LINGO1: variants seen among roughly 807,000 people sequenced by gnomAD.
LINGO1 encodes the protein leucine rich repeat and Ig domain containing 1.
In LINGO1, 11 loss-of-function variants were observed where a neutral mutation model predicts 37.3. The ratio of observed to expected loss-of-function variants is 0.29; its 90% confidence interval spans 0.19 to 0.49. LINGO1 has a LOEUF of 0.49. Ranked by LOEUF, LINGO1 falls within the 20% of genes least tolerant of loss-of-function variation. The pLI is 0.99. For synonymous variants in LINGO1, 387 were observed against 403.0 expected, an observed-to-expected ratio of 0.96 and a Z score of 0.48; for missense variants, 585 against 878.2, an observed-to-expected ratio of 0.67 and a Z score of 4.22.
chr15:77,764,647 T>A (rs1270182701), intron 1 of LINGO1, among the ~76,000 whole-genome samples: 1 of 152,110 alleles, frequency 6.6e-6, no homozygotes, highest in African/African-American at 2.4e-5. Flanking sequence ...ATTAAGTTGG[T>A]GGACAGCTAA....
At chr15:77,646,542 G>A (rs2074634503) in intron 3 of LINGO1, 2 of 421,256 alleles carry the variant, frequency 4.7e-6, no homozygotes, top group East Asian at 7.6e-5. Flanking sequence ...GGCACACACA[G>A]GCAGGAACCT....
At chr15:77,690,054 C>G (rs2075576625) in intron 2 of LINGO1, among the ~76,000 whole-genome samples, 2 of 152,182 alleles carry the variant, frequency 1.3e-5, no homozygotes, top group South Asian at 4.1e-4. Context: ...ACGTCCACAT[C>G]CATCTATGAC....
chr15:77,648,273 T>C, intron 3 of LINGO1: 1 of 200,386 alleles, frequency 5.0e-6, no homozygotes, highest in Non-Finnish European at 1.0e-5. Flanking sequence ...GGTGAACCTG[T>C]GAGGCAGATC....
chr15:77,690,292 G>A (rs1357352457), intron 2 of LINGO1, among the ~76,000 whole-genome samples: 2 of 152,186 alleles, frequency 1.3e-5, no homozygotes, highest in African/African-American at 4.8e-5. Context: ...GAGGACTTTC[G>A]TTTGTTCTGT....
chr15:77,776,554 G>GGCAGGAAAGC (rs2076656397), intron 1 of LINGO1, among the ~76,000 whole-genome samples: 10 of 57,638 alleles, frequency 1.7e-4, no homozygotes, highest in Middle Eastern at 8.3e-3. Flanking sequence ...GGGAGGGAGG[G>GGCAGGAAAGC]AGGGAGCTGA....
At chr15:77,753,892 C>T (rs2076394675) in intron 1 of LINGO1, among the ~76,000 whole-genome samples, 1 of 152,212 alleles carries the variant, frequency 6.6e-6, no homozygotes, top group African/African-American at 2.4e-5. Flanking sequence ...CTTATGCACC[C>T]ATTTAACAGA....
rs145065563 is a variant in LINGO1, at chr15:77,758,007, T to C, written c.-256-22954A>G. On this transcript the variant is annotated intron_variant, in intron 1 of 3. Transcript: ENST00000561686. ...CACTCAGGAAAAATATATGACACTG[T>C]AGGAATGGATTTATCCTGACACCCA... Among the ~76,000 whole-genome samples the C allele has an allele frequency of 1.3e-4, 20 of 152,296 alleles. No homozygotes were observed. The East Asian group carries it at 3.9e-3, about 29-fold the overall frequency.
intron 1 of LINGO1, among the ~76,000 whole-genome samples, chr15:77,748,938 C>T (rs1424219104): frequency 3.3e-5 from 4 of 120,112 alleles, no homozygotes; most frequent in Non-Finnish European, 6.5e-5. Flanking sequence ...TTTGGAGTCT[C>T]GCTCTGTCTC....
At chr15:77,687,029 C>A (rs1280216391) in intron 2 of LINGO1, among the ~76,000 whole-genome samples, 1 of 152,194 alleles carries the variant, frequency 6.6e-6, no homozygotes, top group Non-Finnish European at 1.5e-5. Context: ...TACCCTGGCA[C>A]CTGCTTTTCT....
intron 2 of LINGO1, among the ~76,000 whole-genome samples, chr15:77,723,796 G>A (rs1323583837): frequency 6.6e-6 from 1 of 152,182 alleles, no homozygotes; most frequent in Non-Finnish European, 1.5e-5. Context: ...AGCCCCAGCT[G>A]GGGGGCATCA....
At chr15:77,725,169 A>T (rs1390712913) in intron 2 of LINGO1, among the ~76,000 whole-genome samples, 1 of 152,220 alleles carries the variant, frequency 6.6e-6, no homozygotes, top group Non-Finnish European at 1.5e-5. Flanking sequence ...CCAGGACCTG[A>T]GAAGGACAGA....
intron 1 of LINGO1, among the ~76,000 whole-genome samples, chr15:77,735,482 C>T (rs570189529): frequency 1.3e-5 from 2 of 152,316 alleles, no homozygotes; most frequent in South Asian, 4.1e-4. Context: ...CACAGAGGAG[C>T]TGGTGGGAAG....
At chr15:77,713,507 C>T (rs1209242096) in intron 2 of LINGO1, among the ~76,000 whole-genome samples, 2 of 151,616 alleles carry the variant, frequency 1.3e-5, no homozygotes, top group African/African-American at 4.9e-5. Flanking sequence ...GGCGTGGGAG[C>T]AGGGTTGGGC....
Position 77,631,323 on chromosome 15 carries a change from G to A in LINGO1, c.6+987C>T, listed in dbSNP as rs11854903. ...CTCAGGGCCTCCTGCACTCCCACCC[G>A]CTCAGGGCAGAGCTCTTCCCATCCT... On this transcript the variant is annotated intron_variant, in intron 1 of 1. Transcript: ENST00000355300. Among the ~76,000 whole-genome samples, 3 of 152,138 alleles carry A rather than the reference G, an allele frequency of 2.0e-5. No individual in the cohort carries two copies. The South Asian group carries it at 6.2e-4, about 32-fold the overall frequency.
intron 2 of LINGO1, among the ~76,000 whole-genome samples, chr15:77,703,527 A>G (rs2075811306): frequency 1.3e-5 from 2 of 152,166 alleles, no homozygotes; most frequent in South Asian, 4.1e-4. Context: ...TAAGGTGTCC[A>G]GGCCTACAGC....
intron 1 of LINGO1, among the ~76,000 whole-genome samples, chr15:77,693,258 A>G (rs764790929): frequency 2.0e-5 from 3 of 152,244 alleles, no homozygotes; most frequent in Non-Finnish European, 4.4e-5. Context: ...GGGGTACAAC[A>G]CAGACAAGGT....
intron 1 of LINGO1, among the ~76,000 whole-genome samples, chr15:77,746,597 AGGCTGGG>A (rs1156977682): frequency 3.9e-5 from 6 of 152,200 alleles, no homozygotes; most frequent in African/African-American, 4.8e-5. Flanking sequence ...TGCAGGAGCA[AGGCTGGG>A]GGCTGGGGGC....
At chr15:77,813,761 C>G (rs11852704) in intron 1 of LINGO1, among the ~76,000 whole-genome samples, 1 of 152,112 alleles carries the variant, frequency 6.6e-6, no homozygotes, top group Non-Finnish European at 1.5e-5. Context: ...TCAAAAATAG[C>G]CTTGTAAGGC....
intron 2 of LINGO1, among the ~76,000 whole-genome samples, chr15:77,717,182 G>A (rs934551975): frequency 2.7e-5 from 4 of 150,644 alleles, no homozygotes; most frequent in Admixed American, 1.3e-4. Flanking sequence ...CAGAAAATGA[G>A]GTTCCAGTTA....
Sources: allele counts gnomAD v4.1 joint callset (sites outside exome capture counted in the v4.1 genomes callset), GRCh38; gene constraint gnomAD v4.1.1; transcripts MANE v1.5; gene names NCBI Gene and HGNC (gene_info 2026-07-23, HGNC 2026-07-21).